The following PCLO variants were observed in gnomAD, a reference collection of about 807,000 sequenced individuals.
PCLO encodes piccolo presynaptic cytomatrix protein.
Under a neutral mutation model 427.5 loss-of-function variants are expected in PCLO, and 82 were observed. The ratio of observed to expected loss-of-function variants is 0.19; its 90% CI spans 0.16 to 0.23. The LOEUF is 0.23. Among genes scored for constraint, PCLO ranks in the 10% least tolerant of loss-of-function variants. The probability of loss-of-function intolerance (pLI) is 1.00; values close to 1 mark genes in which losing one functional copy is unlikely to be tolerated. For missense variants in PCLO, 6,239 were observed against 6,115.9 expected (o/e 1.02, Z -0.67); for synonymous variants, 2,357 against 2,155.4 (o/e 1.09, Z -2.59).
chr7:82,768,476 A>G (rs1315750838), intron 22 of PCLO, among the ~76,000 whole-genome samples: 1 of 152,082 alleles, frequency 6.6e-6, no homozygotes, highest in Non-Finnish European at 1.5e-5. Flanking sequence ...AATATTTTAA[A>G]TTTTGTCTCT....
rs374838410 is a variant in PCLO at position 82,953,969 on chromosome 7, G to A, written c.6984C>T (p.Ala2328=). 1.5e-5 allele frequency: 24 copies of A among 1,613,688 alleles called. No individual in the cohort carries two copies. Among genetic ancestry groups the A allele is most frequent in the South Asian group, 2.2e-5 (2 of 91,080 alleles). ...EAYRDKKELE[A]ERTKSSLSET... The stretch of plus-strand genomic sequence containing the variant: ...CGGATAAGCTACTTTTTGTTCGTTC[G>A]GCCTCCAACTCCTTTTTATCTCTGT... The change falls in exon 5 of 25, where the codon GCC becomes GCT. Residue 2328 remains alanine (A), a synonymous_variant. Transcript: ENST00000333891.
chr7:82,988,651 A>G (rs1796306841), intron 3 of PCLO, among the ~76,000 whole-genome samples: 3 of 152,186 alleles, frequency 2.0e-5, no homozygotes, highest in East Asian at 3.9e-4. Context: ...AAAATATTTA[A>G]CCATTCTTCA....
At chr7:82,788,122 A>G (rs1412042500) in intron 22 of PCLO, among the ~76,000 whole-genome samples, 1 of 150,766 alleles carries the variant, frequency 6.6e-6, no homozygotes, top group Non-Finnish European at 1.5e-5. Flanking sequence ...TTCAACCAAT[A>G]AGTGTATTTA....
chr7:83,056,241 T>A (rs1171432622), intron 3 of PCLO, among the ~76,000 whole-genome samples: 1 of 152,112 alleles, frequency 6.6e-6, no homozygotes, highest in African/African-American at 2.4e-5. Flanking sequence ...TTGAGATCCT[T>A]ATGCACAATA....
chr7:83,094,713 T>C (rs2116456114), intron 3 of PCLO, among the ~76,000 whole-genome samples: 1 of 152,294 alleles, frequency 6.6e-6, no homozygotes, highest in Admixed American at 6.5e-5. Context: ...GGACAAGTGG[T>C]TGTATGAACA....
At chr7:82,795,616 T>G (rs1220352705) in intron 22 of PCLO, among the ~76,000 whole-genome samples, 3 of 152,162 alleles carry the variant, frequency 2.0e-5, no homozygotes, top group Non-Finnish European at 4.4e-5. Flanking sequence ...TAACTCTTTT[T>G]AATAAGTTGA....
intron 3 of PCLO, among the ~76,000 whole-genome samples, chr7:83,039,207 A>G (rs1184762523): frequency 6.6e-6 from 1 of 151,932 alleles, no homozygotes; most frequent in Admixed American, 6.6e-5. Context: ...GAATCATTTA[A>G]GTTTTTAATT....
intron 6 of PCLO, among the ~76,000 whole-genome samples, chr7:82,940,755 CTTTTTTTTTT>C (rs71531190): frequency 9.2e-6 from 1 of 109,138 alleles, no homozygotes. Context: ...TTTTTTCTTT[CTTTTTTTTTT>C]TTTTTTTTTT....
At chr7:83,011,433 A>T (rs1788074084) in intron 3 of PCLO, among the ~76,000 whole-genome samples, 1 of 152,098 alleles carries the variant, frequency 6.6e-6, no homozygotes, top group East Asian at 1.9e-4. Context: ...GATAAATGCC[A>T]TAGTGAGGAC....
At chr7:82,848,377 C>A (rs192935956) in intron 10 of PCLO, among the ~76,000 whole-genome samples, 1 of 126,834 alleles carries the variant, frequency 7.9e-6, no homozygotes, top group Non-Finnish European at 1.6e-5. Flanking sequence ...GTGGTGTAAT[C>A]TCTGCTCACT....
chr7:83,017,714 G>T (rs2116036072), intron 3 of PCLO, among the ~76,000 whole-genome samples: 1 of 151,962 alleles, frequency 6.6e-6, no homozygotes, highest in South Asian at 2.1e-4. Context: ...CATTTTCAGA[G>T]AAAAGAGACA....
chr7:83,154,073 G>T (rs909472416), intron 2 of PCLO, among the ~76,000 whole-genome samples: 10 of 152,064 alleles, frequency 6.6e-5, no homozygotes, highest in African/African-American at 2.4e-4. Flanking sequence ...TTTATAATTT[G>T]ATGAGTCAGA....
At chr7:82,925,030 T>A (rs1179860707) in intron 6 of PCLO, among the ~76,000 whole-genome samples, 1 of 152,104 alleles carries the variant, frequency 6.6e-6, no homozygotes. Flanking sequence ...CCATTTTATT[T>A]CAACTATCTT....
At chr7:82,920,812 G>A (rs1794577852) in intron 6 of PCLO, among the ~76,000 whole-genome samples, 1 of 151,570 alleles carries the variant, frequency 6.6e-6, no homozygotes, top group Admixed American at 6.6e-5. Context: ...TTCATTGTCA[G>A]AATTCTCTGA....
Position 82,824,294 on chromosome 7 carries a change from G to C in PCLO, c.14538C>G (p.Ser4846=). 1 of 1,613,422 alleles carries C rather than the reference G, an allele frequency of 6.2e-7. No homozygotes were observed. The highest frequency in any genetic ancestry group is 8.5e-7 in the Non-Finnish European group (1 of 1,179,686). ...KSHSSQSSQQ[S]PKPSVIKSRS... is the part of the protein sequence containing the mutation. ...TGCTTTTGATAACAGATGGCTTTGGGGACTGCTGGCTGCTCTGACTGGAAT... is the reference window on the plus strand; with the variant it reads ...TGCTTTTGATAACAGATGGCTTTGGCGACTGCTGGCTGCTCTGACTGGAAT... The change falls in exon 19 of 25, where the codon TCC becomes TCG. Residue 4846 remains serine (S), a synonymous_variant. Coordinates refer to ENST00000333891, the MANE Select transcript of PCLO (RefSeq NM_033026.6).
At position 82,952,046 on chromosome 7, in the gene PCLO, A is replaced by G. The variant is rs1470370809; in HGVS notation, c.8907T>C (p.Tyr2969=). Reference sequence around the variant, plus strand: ...GATCATACTGATAGTGGTCATCCCTATAACCAAAACGATCCTCAGGAAGAG... The same window carrying G: ...GATCATACTGATAGTGGTCATCCCTGTAACCAAAACGATCCTCAGGAAGAG... ...ATTLPEDRFG[Y]RDDHYQYDRS... The change falls in exon 5 of 25, where the codon TAT becomes TAC. Residue 2969 remains tyrosine, a synonymous_variant. Transcript: ENST00000333891. 1.9e-6 allele frequency: 3 copies of G among 1,613,838 alleles called. No homozygotes were observed. The highest frequency in any genetic ancestry group is 2.2e-5 in the East Asian group (1 of 44,886).
Position 82,767,257 on chromosome 7 carries a change from G to A in PCLO, c.15008-5764C>T, listed in dbSNP as rs139746300. On this transcript the variant is annotated intron_variant, in intron 22 of 24. Transcript: ENST00000333891. ...TTGACCAGCCTTCAGGTCTCCTGGC[G>A]TCCTGAAACTTATGCTTCTTTGGTC... 9.6e-4 allele frequency among the ~76,000 whole-genome samples: 146 copies of A among 152,244 alleles called. 1 individual carries two copies. The highest frequency in any genetic ancestry group is 4.4e-3 in the East Asian group (23 of 5,170).
chr7:82,894,649 AC>A (rs1279197280), intron 9 of PCLO, among the ~76,000 whole-genome samples: 5 of 152,120 alleles, frequency 3.3e-5, no homozygotes, highest in Non-Finnish European at 5.9e-5. Flanking sequence ...ACACAGCCAA[AC>A]CATATCAAGT....
chr7:82,940,378 T>C (rs1265080243), intron 6 of PCLO, among the ~76,000 whole-genome samples: 1 of 152,224 alleles, frequency 6.6e-6, no homozygotes, highest in African/African-American at 2.4e-5. Flanking sequence ...GACTCCTTGA[T>C]GAAGTTTTTG....
Sources: allele counts gnomAD v4.1 joint callset (sites outside exome capture counted in the v4.1 genomes callset), GRCh38; gene constraint gnomAD v4.1.1; transcripts MANE v1.5; gene names NCBI Gene and HGNC (gene_info 2026-07-23, HGNC 2026-07-21).